Variants in DTNB observed in about 807,000 individuals in gnomAD.
DTNB encodes dystrobrevin beta.
Under a neutral mutation model 90.7 loss-of-function variants are expected in DTNB, and 63 were observed. That is an observed-to-expected ratio of 0.69 (90% CI 0.57 to 0.86). The LOEUF is 0.86. Ranked by LOEUF, DTNB falls within the 40% of genes least tolerant of loss-of-function variation. The probability of loss-of-function intolerance (pLI) is 0.00; values close to 1 mark genes in which losing one functional copy is unlikely to be tolerated. For synonymous variants in DTNB, 277 were observed against 286.7 expected (o/e 0.97, Z 0.34); for missense variants, 744 against 807.1 (o/e 0.92, Z 0.95).
At chr2:25,592,648 A>C (rs989980645) in intron 6 of DTNB, among the ~76,000 whole-genome samples, 1 of 152,202 alleles carries the variant, frequency 6.6e-6, no homozygotes, top group Non-Finnish European at 1.5e-5. Flanking sequence ...TCTTCATATC[A>C]TTAAAAAAAA....
intron 6 of DTNB, among the ~76,000 whole-genome samples, chr2:25,590,772 C>G (rs2063409148): frequency 1.3e-5 from 2 of 152,210 alleles, no homozygotes; most frequent in African/African-American, 4.8e-5. Flanking sequence ...ACCACAAGTT[C>G]CCACTCCAGT....
rs764091332 is a variant in DTNB at position 25,388,263 on chromosome 2, G to A, written c.1674C>T (p.Thr558=). 6 of 1,609,772 alleles carry A rather than the reference G, an allele frequency of 3.7e-6. No individual in the cohort carries two copies. Among genetic ancestry groups the A allele is most frequent in the Non-Finnish European group, 5.1e-6 (6 of 1,178,436 alleles). ...CGCTCAGCGAGTCCTGCGGACAGTG[G>A]GTGGGGGTGGAGCCGGCAGACGTGG... ...VRSTSAGSTP[T]HCPQDSLSGV... The change falls in exon 17 of 21, where the codon ACC becomes ACT. Residue 558 remains threonine, a synonymous_variant. Transcript: ENST00000406818.
intron 3 of DTNB, among the ~76,000 whole-genome samples, chr2:25,634,429 A>G: frequency 7.0e-6 from 1 of 142,414 alleles, no homozygotes; most frequent in Non-Finnish European, 1.5e-5. Context: ...TCCGGGAGGG[A>G]GGTGGGGGGG....
chr2:25,511,698 C>A (rs1388003953), intron 9 of DTNB, among the ~76,000 whole-genome samples: 1 of 152,110 alleles, frequency 6.6e-6, no homozygotes, highest in East Asian at 1.9e-4. Flanking sequence ...AGATTTTAAG[C>A]TTTCAATAGG....
intron 16 of DTNB, among the ~76,000 whole-genome samples, chr2:25,401,641 A>T (rs1477953409): frequency 6.6e-6 from 1 of 152,246 alleles, no homozygotes; most frequent in Non-Finnish European, 1.5e-5. Context: ...ATAGGGAAGA[A>T]TTTTTAATCC....
intron 15 of DTNB, among the ~76,000 whole-genome samples, chr2:25,423,966 T>C (rs1171536703): frequency 6.6e-6 from 1 of 152,170 alleles, no homozygotes; most frequent in East Asian, 1.9e-4. Context: ...GGCCTAAAAT[T>C]AGGATTCTAA....
chr2:25,625,551 ATTTTTTTTT>A (rs66586812), intron 4 of DTNB, among the ~76,000 whole-genome samples: 31 of 73,964 alleles, frequency 4.2e-4, no homozygotes, highest in African/African-American at 1.1e-3. Flanking sequence ...TAACTCACTC[ATTTTTTTTT>A]TTTTTTTTTT....
chr2:25,587,327 C>T (rs1486980868), intron 6 of DTNB, among the ~76,000 whole-genome samples: 1 of 152,218 alleles, frequency 6.6e-6, no homozygotes, highest in East Asian at 1.9e-4. Flanking sequence ...CACTCCTCTT[C>T]CTTAGGCTGC....
rs138595070 is a variant in DTNB at position 25,617,864 on chromosome 2, C to A, written c.362+10307G>T. ...CTGCTCTTTGGCATGGGCAACAGAG[C>A]AAGACCCTGTCTCAATAAAAAATTT... is the stretch of plus-strand genomic sequence containing the variant. On this transcript the variant is annotated intron_variant, in intron 4 of 20. Transcript: ENST00000406818. Among the ~76,000 whole-genome samples, 109 of 152,180 alleles carry A rather than the reference C, an allele frequency of 7.2e-4. 1 individual carries two copies. Among genetic ancestry groups the A allele is most frequent in the African/African-American group, 2.5e-3 (105 of 41,520 alleles).
At chr2:25,488,387 A>T (rs895425340) in intron 9 of DTNB, among the ~76,000 whole-genome samples, 2 of 152,198 alleles carry the variant, frequency 1.3e-5, no homozygotes, top group African/African-American at 2.4e-5. Flanking sequence ...AACACAGAGT[A>T]GGAAACAAGA....
intron 9 of DTNB, among the ~76,000 whole-genome samples, chr2:25,529,730 C>T (rs2077795149): frequency 6.6e-6 from 1 of 152,152 alleles, no homozygotes; most frequent in South Asian, 2.1e-4. Flanking sequence ...GAGACAGTAA[C>T]TGCACAAAAG....
chr2:25,534,948 C>T (rs533330731), intron 8 of DTNB, among the ~76,000 whole-genome samples: 7 of 145,658 alleles, frequency 4.8e-5, no homozygotes, highest in African/African-American at 1.3e-4. Flanking sequence ...TGGGCAGAGG[C>T]GCTCCTTACC....
chr2:25,523,887 G>A (rs2076602384), intron 9 of DTNB, among the ~76,000 whole-genome samples: 1 of 149,016 alleles, frequency 6.7e-6, no homozygotes, highest in African/African-American at 2.5e-5. Context: ...AAGTAACTTG[G>A]TCATCTGTAC....
At chr2:25,624,457 G>A (rs1032013820) in intron 4 of DTNB, among the ~76,000 whole-genome samples, 4 of 152,188 alleles carry the variant, frequency 2.6e-5, no homozygotes, top group Admixed American at 2.0e-4. Flanking sequence ...TGTGAAGTCA[G>A]CCTAAGGATG....
chr2:25,649,069 A>G (rs1324553257), intron 2 of DTNB, among the ~76,000 whole-genome samples: 3 of 123,032 alleles, frequency 2.4e-5, no homozygotes, highest in African/African-American at 9.6e-5. Context: ...CAGTGGCGCG[A>G]TCTTGGCTCA....
chr2:25,463,600 TG>T (rs1333200182), intron 10 of DTNB, among the ~76,000 whole-genome samples: 1 of 152,254 alleles, frequency 6.6e-6, no homozygotes, highest in Admixed American at 6.5e-5. Flanking sequence ...TTGTACAGTG[TG>T]TGAGTTATAT....
chr2:25,647,795 T>C (rs1182688068), intron 2 of DTNB, among the ~76,000 whole-genome samples: 2 of 151,170 alleles, frequency 1.3e-5, no homozygotes, highest in East Asian at 1.9e-4. Flanking sequence ...AATAGAGAAC[T>C]GATTATGAAA....
Position 25,653,509 on chromosome 2 carries a change from TTCTTTC to T in DTNB, c.-1-854_-1-849del, listed in dbSNP as rs1314646419. ...TTTCTTTCTTTCTTTCTTTCTTTCT[TTCTTTC>T]TTTTTTTTTTTTTTTTTTGACAGTC... is the stretch of plus-strand genomic sequence containing the variant. On this transcript the variant is annotated intron_variant, in intron 1 of 20. Transcript: ENST00000406818. 1.2e-3 allele frequency among the ~76,000 whole-genome samples: 119 copies of T among 101,226 alleles called. 1 individual carries two copies. In the East Asian group the frequency reaches 0.018, roughly 16 times the overall value. 66.4% of individuals were successfully genotyped at this position (101,226 alleles called of 152,430 possible).
intron 9 of DTNB, among the ~76,000 whole-genome samples, chr2:25,483,814 T>C (rs1339260751): frequency 2.0e-5 from 3 of 152,264 alleles, no homozygotes; most frequent in Non-Finnish European, 4.4e-5. Context: ...TCACTTCCTC[T>C]TTTAAACTGG....
Sources: gnomAD v4.1 joint callset for allele counts (sites outside exome capture counted in the v4.1 genomes callset) on GRCh38, gnomAD v4.1.1 for gene constraint, MANE v1.5 for transcripts, NCBI Gene and HGNC (gene_info 2026-07-23, HGNC 2026-07-21) for gene names.